LCORL: variants seen among roughly 807,000 people sequenced by gnomAD.
LCORL encodes ligand-dependent nuclear receptor corepressor-like protein.
In LCORL, 41 loss-of-function variants were observed where a neutral mutation model predicts 141.8. The ratio of observed to expected loss-of-function variants is 0.29; its 90% CI spans 0.23 to 0.38. The LOEUF (loss-of-function observed/expected upper bound fraction) is 0.38. LCORL is among the 10% of genes least tolerant of loss of function. LCORL has a pLI of 1.00. For synonymous variants in LCORL, 618 were observed against 694.1 expected, an observed-to-expected ratio of 0.89 and a Z score of 1.72; for missense variants, 1,759 against 2,035.0, an observed-to-expected ratio of 0.86 and a Z score of 2.61.
At chr4:17,968,316 G>C (rs1030261101) in intron 2 of LCORL, among the ~76,000 whole-genome samples, 5 of 152,018 alleles carry the variant, frequency 3.3e-5, no homozygotes, top group African/African-American at 1.2e-4. Flanking sequence ...AGATTCTCTG[G>C]CTTTAATTGT....
At chr4:17,916,823 T>C (rs1470281288) in intron 4 of LCORL, among the ~76,000 whole-genome samples, 1 of 152,030 alleles carries the variant, frequency 6.6e-6, no homozygotes. Flanking sequence ...TTTTGTATTT[T>C]TAGTAGCGGC....
intron 1 of LCORL, among the ~76,000 whole-genome samples, chr4:17,990,931 CAAT>C (rs1719905647): frequency 1.3e-5 from 2 of 152,040 alleles, no homozygotes; most frequent in African/African-American, 2.4e-5. Context: ...GGGGGCACAA[CAAT>C]GATTTGAAAG....
intron 5 of LCORL, among the ~76,000 whole-genome samples, chr4:17,904,900 T>C (rs1731380891): frequency 6.6e-6 from 1 of 152,136 alleles, no homozygotes; most frequent in Admixed American, 6.5e-5. Flanking sequence ...TAACAACAAA[T>C]CCTGTCAGAA....
chr4:17,865,977 T>C (rs2109146348), intron 7 of LCORL, among the ~76,000 whole-genome samples: 1 of 152,312 alleles, frequency 6.6e-6, no homozygotes, highest in East Asian at 1.9e-4. Context: ...AATTTAAATC[T>C]CCGCCCTAAG....
intron 3 of LCORL, among the ~76,000 whole-genome samples, chr4:17,962,512 T>G (rs1714031209): frequency 6.6e-6 from 1 of 152,004 alleles, no homozygotes; most frequent in African/African-American, 2.4e-5. Flanking sequence ...AGTAGACACT[T>G]ACATATTTCA....
intron 7 of LCORL, among the ~76,000 whole-genome samples, chr4:17,848,966 C>T (rs974352062): frequency 1.8e-4 from 27 of 152,078 alleles, no homozygotes; most frequent in Non-Finnish European, 3.2e-4. Flanking sequence ...AAGGCAGCAG[C>T]GAGGCTGGGG....
At chr4:17,985,288 A>G (rs543201605) in intron 1 of LCORL, among the ~76,000 whole-genome samples, 1 of 152,226 alleles carries the variant, frequency 6.6e-6, no homozygotes, top group South Asian at 2.1e-4. Context: ...TATCAGATCC[A>G]TTGGGTCCAA....
chr4:17,920,122 G>A (rs545345534), intron 4 of LCORL, among the ~76,000 whole-genome samples: 12 of 152,196 alleles, frequency 7.9e-5, no homozygotes, highest in African/African-American at 2.4e-4. Context: ...CAAATTAATC[G>A]AACCCAAAGA....
intron 2 of LCORL, among the ~76,000 whole-genome samples, chr4:17,964,475 T>C (rs1459864202): frequency 1.3e-5 from 2 of 152,158 alleles, no homozygotes; most frequent in Non-Finnish European, 2.9e-5. Flanking sequence ...TGATTGTATG[T>C]GATTTAATAA....
intron 1 of LCORL, among the ~76,000 whole-genome samples, chr4:18,012,665 A>G (rs1723987399): frequency 6.6e-6 from 1 of 151,744 alleles, no homozygotes; most frequent in Non-Finnish European, 1.5e-5. Context: ...TGATTAGGAA[A>G]CTTTTTTGAA....
intron 1 of LCORL, among the ~76,000 whole-genome samples, chr4:17,977,442 TA>T (rs1338778858): frequency 6.6e-6 from 1 of 152,122 alleles, no homozygotes; most frequent in African/African-American, 2.4e-5. Context: ...TGCTTTCTTC[TA>T]AAAAAATAAT....
exon 7 of LCORL, chr4:17,877,303 CATT>C (rs1727029914): frequency 1.8e-5 from 22 of 1,228,454 alleles, no homozygotes; most frequent in East Asian, 3.2e-5. Flanking sequence ...AATTTTAAAT[CATT>C]ATATGTATTA....
chr4:17,924,741 C>T (rs1734849247), intron 4 of LCORL, among the ~76,000 whole-genome samples: 1 of 152,198 alleles, frequency 6.6e-6, no homozygotes, highest in Non-Finnish European at 1.5e-5. Context: ...TGGGCTCATG[C>T]TCATGGAATT....
chr4:18,002,183 G>A (rs1297818910), intron 1 of LCORL, among the ~76,000 whole-genome samples: 1 of 152,170 alleles, frequency 6.6e-6, no homozygotes, highest in African/African-American at 2.4e-5. Flanking sequence ...TTACATCACT[G>A]TTAATTTGGT....
chr4:17,884,259 T>C lies in LCORL; in HGVS notation c.776+1809A>G, dbSNP rs567889562. The C allele has an allele frequency of 1.9e-6, 3 of 1,550,798 alleles. No individual in the cohort carries two copies. Among genetic ancestry groups the C allele is most frequent in the East Asian group, 4.9e-5 (2 of 40,890 alleles). ...AGACCAGAACCATCAGGTTGTGATT[T>C]TGAGACAGAACTTACTCGTAGCTGA... is the stretch of plus-strand genomic sequence containing the variant. On this transcript the variant is annotated intron_variant, in intron 6 of 7. Coordinates refer to ENST00000635767, the Ensembl canonical transcript of LCORL. This position sits in a 1 kb window ranked among gnomAD's most constrained non-coding sequence, Gnocchi z 4.4.
At chr4:17,850,154 G>A (rs1208896643) in intron 7 of LCORL, among the ~76,000 whole-genome samples, 10 of 143,784 alleles carry the variant, frequency 7.0e-5, no homozygotes, top group African/African-American at 2.6e-5. Context: ...AGACTTAAAC[G>A]TTAGACCTAA....
chr4:17,912,383 G>A, intron 4 of LCORL: 2 of 647,510 alleles, frequency 3.1e-6, no homozygotes, highest in South Asian at 1.4e-5. Context: ...CAGATTGCCA[G>A]CTCTAGGGTG....
intron 4 of LCORL, among the ~76,000 whole-genome samples, chr4:17,927,033 A>G (rs898475256): frequency 1.3e-5 from 2 of 152,260 alleles, no homozygotes; most frequent in African/African-American, 2.4e-5. Flanking sequence ...AGACTGTTTC[A>G]TGTATTAATA....
intron 7 of LCORL, among the ~76,000 whole-genome samples, chr4:17,860,793 AATTGGAGAC>A (rs1724912251): frequency 6.6e-6 from 1 of 152,206 alleles, no homozygotes; most frequent in Non-Finnish European, 1.5e-5. Context: ...AGCCATTCCA[AATTGGAGAC>A]ATTGGCCAAA....
Sources: gnomAD v4.1 joint callset for allele counts (sites outside exome capture counted in the v4.1 genomes callset) on GRCh38, gnomAD v4.1.1 for gene constraint, Gnocchi (gnomAD v3.1) non-coding constraint, MANE v1.5 for transcripts, NCBI Gene and HGNC (gene_info 2026-07-23, HGNC 2026-07-21) for gene names.